The following PITPNC1 variants were observed in gnomAD, a reference collection of about 807,000 sequenced individuals.
PITPNC1 encodes phosphatidylinositol transfer protein cytoplasmic 1, also known as cytoplasmic phosphatidylinositol transfer protein 1.
In PITPNC1, 18 loss-of-function variants were observed where a neutral mutation model predicts 44.7. That is an observed-to-expected ratio of 0.40 (90% CI 0.28 to 0.60). The LOEUF is 0.60. PITPNC1 is among the 20% of genes least tolerant of loss of function. The pLI is 0.39. For synonymous variants in PITPNC1, 141 were observed against 149.6 expected (o/e 0.94, Z 0.42); for missense variants, 290 against 418.4 (o/e 0.69, Z 2.68).
At chr17:67,641,995 T>A (rs1018217851) in intron 6 of PITPNC1, among the ~76,000 whole-genome samples, 1 of 152,038 alleles carries the variant, frequency 6.6e-6, no homozygotes, top group Non-Finnish European at 1.5e-5. Context: ...AATGGACATA[T>A]GGGTTGAGAT....
At chr17:67,388,160 C>G (rs1028436141) in intron 1 of PITPNC1, among the ~76,000 whole-genome samples, 1 of 152,048 alleles carries the variant, frequency 6.6e-6, no homozygotes, top group Non-Finnish European at 1.5e-5. Context: ...GAAATTTTAC[C>G]AATTAGAGAT....
Position 67,578,384 on chromosome 17 carries a change from C to T in PITPNC1, c.366+127C>T. On this transcript the variant is annotated intron_variant, in intron 5 of 8. Coordinates refer to ENST00000581322, the MANE Select transcript of PITPNC1 (RefSeq NM_012417.4). Reference sequence around the variant, plus strand: ...GCCTGGGACCTCAGAGATGTTCTGGCCTTTGGCTTCTGAGGGTTATTTCCC... The same window carrying T: ...GCCTGGGACCTCAGAGATGTTCTGGTCTTTGGCTTCTGAGGGTTATTTCCC... 4 of 660,654 alleles carry T rather than the reference C, an allele frequency of 6.1e-6. No individual in the cohort carries two copies. The South Asian group carries it at 6.9e-5, about 11-fold the overall frequency. The allele number at this position is 660,654 out of a possible 1,614,324, so 40.9% of individuals were successfully genotyped here.
intron 1 of PITPNC1, among the ~76,000 whole-genome samples, chr17:67,495,044 T>G (rs1266298887): frequency 3.2e-5 from 2 of 61,890 alleles, no homozygotes; most frequent in East Asian, 4.2e-4. Context: ...GGAGTTGTTT[T>G]TTTTTTTGTT....
At chr17:67,632,030 C>CG in intron 5 of PITPNC1, 113 bp from the exon 6 acceptor site, 1 of 652,048 alleles carries the variant, frequency 1.5e-6, no homozygotes, top group South Asian at 1.9e-5. Flanking sequence ...AAGCACTAGC[C>CG]GGGGGCCCTG....
At chr17:67,439,157 T>G (rs2038976753) in intron 1 of PITPNC1, among the ~76,000 whole-genome samples, 1 of 152,216 alleles carries the variant, frequency 6.6e-6, no homozygotes. Flanking sequence ...GGAAATTGAT[T>G]AGGCATATAT....
intron 1 of PITPNC1, among the ~76,000 whole-genome samples, chr17:67,500,050 T>C (rs1002001693): frequency 6.6e-6 from 1 of 152,252 alleles, no homozygotes; most frequent in African/African-American, 2.4e-5. Flanking sequence ...ATAAGTAGGC[T>C]GCAGAGGATT....
At chr17:67,610,817 A>C (rs2041677618) in intron 5 of PITPNC1, among the ~76,000 whole-genome samples, 1 of 151,164 alleles carries the variant, frequency 6.6e-6, no homozygotes, top group South Asian at 2.1e-4. Context: ...GCTACTCGGG[A>C]GGCTGAGGCA....
intron 5 of PITPNC1, among the ~76,000 whole-genome samples, chr17:67,619,460 G>A (rs1455290595): frequency 6.6e-6 from 1 of 152,014 alleles, no homozygotes; most frequent in Non-Finnish European, 1.5e-5. Context: ...TTTTCTACTT[G>A]TGCTTCTTGG....
intron 2 of PITPNC1, among the ~76,000 whole-genome samples, chr17:67,551,799 G>C (rs1427209981): frequency 1.3e-5 from 2 of 152,188 alleles, no homozygotes; most frequent in Non-Finnish European, 2.9e-5. Context: ...GCTGCTCTCT[G>C]TTGGTTTTGT....
At chr17:67,490,112 CTGTGTGTGTGTGTG>C (rs71354073) in intron 1 of PITPNC1, among the ~76,000 whole-genome samples, 13,636 of 144,870 alleles carry the variant, frequency 0.094, 822 homozygotes, top group African/African-American at 0.17. Flanking sequence ...ACAGGCTTTT[CTGTGTGTGTGTGTG>C]TGTGTGTGTG....
chr17:67,675,255 A>G (rs2042581743), intron 7 of PITPNC1, among the ~76,000 whole-genome samples: 1 of 152,170 alleles, frequency 6.6e-6, no homozygotes, highest in South Asian at 2.1e-4. Flanking sequence ...CTCTCAAATA[A>G]GACAAAGAGA....
chr17:67,599,027 TATATA>T (rs1360558284), intron 5 of PITPNC1, among the ~76,000 whole-genome samples: 15 of 33,674 alleles, frequency 4.5e-4, no homozygotes, highest in African/African-American at 1.3e-3. Flanking sequence ...TATATATATA[TATATA>T]TATTTTTTTT....
At position 67,693,546 on chromosome 17, in the gene PITPNC1, T is replaced by C. The variant is rs2042964436; in HGVS notation, c.*658T>C. 6.6e-6 allele frequency: 1 copy of C among 152,648 alleles called. No individual in the cohort carries two copies. Among genetic ancestry groups the C allele is most frequent in the Admixed American group, 6.5e-5 (1 of 15,280 alleles). The allele number at this position is 152,648 out of a possible 1,614,324, so 9.5% of individuals were successfully genotyped here. On this transcript the variant is annotated 3_prime_UTR_variant, in exon 9 of 9. Transcript: ENST00000581322. ...CTGTCTTTTAATAACTTTCCCCTTT[T>C]GTGCCCTTGTGGCCTCAGAAATCCT...
At chr17:67,397,137 C>T (rs927327473) in intron 1 of PITPNC1, among the ~76,000 whole-genome samples, 3 of 152,074 alleles carry the variant, frequency 2.0e-5, no homozygotes, top group African/African-American at 4.8e-5. Flanking sequence ...CCTGCCACCA[C>T]GCCCGGCTAA....
intron 1 of PITPNC1, among the ~76,000 whole-genome samples, chr17:67,486,057 G>A (rs561117510): frequency 6.6e-6 from 1 of 152,264 alleles, no homozygotes; most frequent in East Asian, 1.9e-4. Context: ...AGTCACAATT[G>A]ATTAAACTGA....
chr17:67,395,505 A>G (rs145110770), intron 1 of PITPNC1, among the ~76,000 whole-genome samples: 8 of 152,286 alleles, frequency 5.3e-5, no homozygotes, highest in African/African-American at 1.7e-4. Context: ...GCTTGAGCTG[A>G]GGAGCATGTC....
intron 1 of PITPNC1, among the ~76,000 whole-genome samples, chr17:67,462,988 C>T (rs922420055): frequency 3.9e-5 from 6 of 152,308 alleles, no homozygotes; most frequent in Admixed American, 1.3e-4. Context: ...AGGCGTGAGC[C>T]GCCGCCCCCG....
At chr17:67,598,538 G>A (rs2041489962) in intron 5 of PITPNC1, among the ~76,000 whole-genome samples, 1 of 152,120 alleles carries the variant, frequency 6.6e-6, no homozygotes, top group South Asian at 2.1e-4. Context: ...AGACCCCTTA[G>A]GTTTTAAGGG....
intron 1 of PITPNC1, among the ~76,000 whole-genome samples, chr17:67,522,617 A>C (rs979180974): frequency 2.7e-5 from 4 of 150,208 alleles, no homozygotes; most frequent in African/African-American, 9.9e-5. Flanking sequence ...AGCCTTTTTA[A>C]TTGTGATCAA....
Sources: allele counts gnomAD v4.1 joint callset (sites outside exome capture counted in the v4.1 genomes callset), GRCh38; gene constraint gnomAD v4.1.1; transcripts MANE v1.5; gene names NCBI Gene and HGNC (gene_info 2026-07-23, HGNC 2026-07-21).